XPO4: variants seen among roughly 807,000 people sequenced by gnomAD.
XPO4 encodes exportin-4.
A neutral mutation model predicts 143.0 loss-of-function variants in XPO4; 39 were observed. That is an observed-to-expected ratio of 0.27 (90% CI 0.21 to 0.36). XPO4 has a LOEUF of 0.36. XPO4 is among the 10% of genes least tolerant of loss of function. The pLI is 1.00. For synonymous variants in XPO4, 439 were observed against 474.0 expected, an observed-to-expected ratio of 0.93 and a Z score of 0.96; for missense variants, 907 against 1,348.0, an observed-to-expected ratio of 0.67 and a Z score of 5.12.
intron 1 of XPO4, among the ~76,000 whole-genome samples, chr13:20,893,287 C>G (rs1274389457): frequency 6.6e-6 from 1 of 152,202 alleles, no homozygotes; most frequent in Non-Finnish European, 1.5e-5. Flanking sequence ...TTCATTTTCA[C>G]TGGGCCCTGC....
At chr13:20,884,534 G>A (rs73167462) in intron 1 of XPO4, among the ~76,000 whole-genome samples, 14,311 of 151,930 alleles carry the variant, frequency 0.094, 829 homozygotes, top group Non-Finnish European at 0.13. Context: ...CTCAGCCTCC[G>A]GAGTAGCTGG....
chr13:20,777,993 A>C lies in XPO4; in HGVS notation c.*5729T>G, dbSNP rs2059103320. ...GAACTGCCATTTGAGATTACATAGA[A>C]TGCACAAGACTCAATCTGAGACCCT... On this transcript the variant is annotated 3_prime_UTR_variant, in exon 23 of 23. Transcript: ENST00000255305. 6.6e-6 allele frequency: 1 copy of C among 152,202 alleles called. No individual in the cohort carries two copies. Among genetic ancestry groups the C allele is most frequent in the Non-Finnish European group, 1.5e-5 (1 of 68,032 alleles). The allele number at this position is 152,202 out of a possible 1,614,324, so 9.4% of individuals were successfully genotyped here. A position where few individuals can be genotyped will look rare whatever the true frequency, so the allele number is the denominator to read the frequency against.
At chr13:20,800,376 GA>G (rs376749222) in intron 14 of XPO4, 51 bp from the exon 15 acceptor site, 285 of 1,306,996 alleles carry the variant, frequency 2.2e-4, no homozygotes, top group South Asian at 5.1e-4. Context: ...ATCAACTCAA[GA>G]AAAAAAAAAC....
intron 19 of XPO4, among the ~76,000 whole-genome samples, chr13:20,788,919 G>T (rs2059241386): frequency 6.6e-6 from 1 of 152,168 alleles, no homozygotes; most frequent in Admixed American, 6.5e-5. Context: ...AAACAAGGCA[G>T]CCAGATTTAA....
At chr13:20,878,905 T>A (rs1464101375) in intron 1 of XPO4, among the ~76,000 whole-genome samples, 3 of 152,236 alleles carry the variant, frequency 2.0e-5, no homozygotes, top group Non-Finnish European at 2.9e-5. Flanking sequence ...TTTCTTTAAA[T>A]AAGTGGGCCT....
chr13:20,866,263 G>A, intron 2 of XPO4: 1 of 984,196 alleles, frequency 1.0e-6, no homozygotes, highest in African/African-American at 1.8e-5. Context: ...ACAGAAAAGA[G>A]CAAAGAAAAT....
chr13:20,829,569 G>T (rs1251397000), intron 6 of XPO4, among the ~76,000 whole-genome samples: 1 of 152,150 alleles, frequency 6.6e-6, no homozygotes, highest in Non-Finnish European at 1.5e-5. Context: ...TGCTATAACT[G>T]CAAGAGAATG....
At chr13:20,881,511 C>T (rs892906237) in intron 1 of XPO4, among the ~76,000 whole-genome samples, 5 of 152,016 alleles carry the variant, frequency 3.3e-5, no homozygotes, top group Admixed American at 3.3e-4. Flanking sequence ...ACCTCATGAT[C>T]CCCCCGCCTC....
intron 6 of XPO4, among the ~76,000 whole-genome samples, chr13:20,831,905 C>T (rs1252194750): frequency 2.8e-5 from 4 of 144,862 alleles, no homozygotes; most frequent in African/African-American, 1.0e-4. Flanking sequence ...AGTGCTAAAA[C>T]CCAACCAATC....
chr13:20,881,164 A>G (rs1203210124), intron 1 of XPO4, among the ~76,000 whole-genome samples: 1 of 152,172 alleles, frequency 6.6e-6, no homozygotes, highest in East Asian at 1.9e-4. Context: ...GGAAGTTGCT[A>G]TTTAATGGGT....
intron 4 of XPO4, chr13:20,852,348 T>A: frequency 1.0e-6 from 1 of 985,422 alleles, no homozygotes; most frequent in Middle Eastern, 5.2e-4. Flanking sequence ...AAGGATAATA[T>A]TTCCAAGTAG....
intron 4 of XPO4, chr13:20,849,701 A>T: frequency 2.0e-6 from 2 of 984,338 alleles, no homozygotes; most frequent in Non-Finnish European, 2.4e-6. Context: ...TTTTTACACA[A>T]ATTAGATATA....
chr13:20,853,768 A>G (rs1448337896), intron 4 of XPO4, among the ~76,000 whole-genome samples: 1 of 152,234 alleles, frequency 6.6e-6, no homozygotes, highest in East Asian at 1.9e-4. Context: ...ATTTAAATTA[A>G]AATTTAAAAA....
chr13:20,792,255 G>C (rs571465413), intron 18 of XPO4, among the ~76,000 whole-genome samples: 3 of 152,092 alleles, frequency 2.0e-5, no homozygotes, highest in African/African-American at 7.2e-5. Context: ...AGACCAGCCC[G>C]GCCAACATGG....
At chr13:20,847,179 T>A (rs184226968) in intron 4 of XPO4, among the ~76,000 whole-genome samples, 16 of 152,310 alleles carry the variant, frequency 1.1e-4, no homozygotes, top group Non-Finnish European at 2.2e-4. Flanking sequence ...GAATGATGAA[T>A]AATTAAACAT....
At chr13:20,850,711 G>C (rs2060076063) in intron 4 of XPO4, 1 of 783,274 alleles carries the variant, frequency 1.3e-6, no homozygotes, top group African/African-American at 1.9e-5. Flanking sequence ...GCAGCAGTGA[G>C]TTATGAACAT....
At chr13:20,789,679 A>G (rs2059253248) in intron 19 of XPO4, among the ~76,000 whole-genome samples, 1 of 151,328 alleles carries the variant, frequency 6.6e-6, no homozygotes, top group Non-Finnish European at 1.5e-5. Context: ...AAGTGCTGGG[A>G]TTACAAGCGT....
At chr13:20,852,727 T>C in intron 4 of XPO4, 1 of 978,838 alleles carries the variant, frequency 1.0e-6, no homozygotes, top group Non-Finnish European at 1.2e-6. Context: ...CTATATTATA[T>C]ACATATATTA....
chr13:20,805,350 A>G (rs2059489852), intron 13 of XPO4, among the ~76,000 whole-genome samples: 1 of 152,192 alleles, frequency 6.6e-6, no homozygotes, highest in African/African-American at 2.4e-5. Flanking sequence ...ACAAAAGCCA[A>G]AGATGTTACA....
Sources: allele counts gnomAD v4.1 joint callset (sites outside exome capture counted in the v4.1 genomes callset), GRCh38; gene constraint gnomAD v4.1.1; transcripts MANE v1.5; gene names NCBI Gene and HGNC (gene_info 2026-07-23, HGNC 2026-07-21).